The following PSMF1 variants were observed in gnomAD, a reference collection of about 807,000 sequenced individuals.
The protein encoded by PSMF1 is proteasome inhibitor subunit 1, also known as proteasome inhibitor PI31 subunit.
A neutral mutation model predicts 29.3 loss-of-function variants in PSMF1; 30 were observed. The ratio of observed to expected loss-of-function variants is 1.02; its 90% CI spans 0.77 to 1.39. The LOEUF (loss-of-function observed/expected upper bound fraction) is 1.39, where lower values mean the gene tolerates loss of function less well. PSMF1 is among the 40% of genes most tolerant of loss of function. The pLI, the probability that PSMF1 is intolerant of heterozygous loss-of-function variation, is 0.00. For synonymous variants in PSMF1, 134 were observed against 139.7 expected, an observed-to-expected ratio of 0.96 and a Z score of 0.29; for missense variants, 344 against 357.5, an observed-to-expected ratio of 0.96 and a Z score of 0.31.
chr20:1,128,136 T>C (rs142704573), intron 3 of PSMF1, among the ~76,000 whole-genome samples: 2 of 152,338 alleles, frequency 1.3e-5, no homozygotes, highest in Admixed American at 6.5e-5. Context: ...TAAAAATCTG[T>C]GCTTCTCCTA....
At chr20:1,128,368 T>C (rs909884793) in intron 3 of PSMF1, among the ~76,000 whole-genome samples, 3 of 152,252 alleles carry the variant, frequency 2.0e-5, no homozygotes, top group East Asian at 1.9e-4. Context: ...TCCATACTTA[T>C]ATCTCCCTTC....
At chr20:1,121,450 G>A (rs2086086606) in intron 1 of PSMF1, among the ~76,000 whole-genome samples, 2 of 151,990 alleles carry the variant, frequency 1.3e-5, no homozygotes, top group Admixed American at 6.6e-5. Flanking sequence ...TCCTTCTGTC[G>A]CTTCTGCTGA....
chr20:1,172,023 C>T lies in PSMF1; in HGVS notation c.*6943C>T, dbSNP rs939119896. On this transcript the variant is annotated 3_prime_UTR_variant, in exon 7 of 7. Transcript: ENST00000335877. Reference sequence around the variant, plus strand: ...TAAAATGTAGATAAGGATGGACCCACCTCCCCAAGATCCTGCCTATCTGTG... The same window carrying T: ...TAAAATGTAGATAAGGATGGACCCATCTCCCCAAGATCCTGCCTATCTGTG... Among the ~76,000 whole-genome samples, 1 of 152,220 alleles carries T rather than the reference C, an allele frequency of 6.6e-6. No individual in the cohort carries two copies. The highest frequency in any genetic ancestry group is 1.5e-5 in the Non-Finnish European group (1 of 68,032).
rs1168554968 is a variant in PSMF1, at chr20:1,145,063, T to C, written c.551+9757T>C. On this transcript the variant is annotated intron_variant, in intron 4 of 6. Coordinates refer to ENST00000335877, the MANE Select transcript of PSMF1 (RefSeq NM_006814.5). Reference sequence around the variant, plus strand: ...ACCACACCCAGCTCATTTTTGTATTTTTAGTAGAGACGAGGTTTCACCATG... The same window carrying C: ...ACCACACCCAGCTCATTTTTGTATTCTTAGTAGAGACGAGGTTTCACCATG... 5.9e-5 allele frequency among the ~76,000 whole-genome samples: 9 copies of C among 152,120 alleles called. 1 individual carries two copies. The East Asian group carries it at 1.7e-3, about 29-fold the overall frequency.
chr20:1,133,959 C>A (rs2086269939), intron 3 of PSMF1, among the ~76,000 whole-genome samples: 1 of 145,538 alleles, frequency 6.9e-6, no homozygotes, highest in Non-Finnish European at 1.5e-5. Context: ...TGTAATATCT[C>A]CTGTTTCGTT....
rs747537657 is a variant in PSMF1, at chr20:1,125,541, G to A, written c.173G>A (p.Trp58Ter). ...AAGTCAGAACTGCTGCCAGCTGGGT[G>A]GAACAACAATAAAGACCTGTATGTC... ...DKKSELLPAG[W>*]NNNKDLYVLR... Residue 58 changes from tryptophan (W) to a stop codon, truncating the protein, a stop_gained, in exon 2 of 7, where the codon TGG becomes TAG. Coordinates refer to ENST00000335877, the MANE Select transcript of PSMF1 (RefSeq NM_006814.5). LOFTEE classifies it high-confidence loss of function. 8.7e-6 allele frequency: 14 copies of A among 1,613,516 alleles called. No individual in the cohort carries two copies. The highest frequency in any genetic ancestry group is 1.1e-5 in the Non-Finnish European group (13 of 1,179,734).
At chr20:1,116,035 CT>C (rs11473727), upstream of PSMF1, among the ~76,000 whole-genome samples, 17 of 144,840 alleles carry the variant, frequency 1.2e-4, no homozygotes, top group Non-Finnish European at 1.2e-4. Flanking sequence ...CTGGCCAGTA[CT>C]TTTTTTTTTT....
intron 4 of PSMF1, among the ~76,000 whole-genome samples, chr20:1,147,669 C>G (rs934488175): frequency 6.6e-6 from 1 of 152,170 alleles, no homozygotes; most frequent in Non-Finnish European, 1.5e-5. Context: ...TCAGATCTCC[C>G]CTCTGTAATC....
chr20:1,145,073 A>G (rs565276237), intron 4 of PSMF1, among the ~76,000 whole-genome samples: 5 of 152,164 alleles, frequency 3.3e-5, no homozygotes, highest in Admixed American at 2.6e-4. Flanking sequence ...TTTAGTAGAG[A>G]CGAGGTTTCA....
Position 1,121,390 on chromosome 20 carries a change from TTC to T in PSMF1, c.129+2494_129+2495del, listed in dbSNP as rs145611371. Among the ~76,000 whole-genome samples, 1,345 of 152,248 alleles carry T rather than the reference TTC, an allele frequency of 8.8e-3. 31 individuals carry two copies. The highest frequency in any genetic ancestry group is 0.031 in the African/African-American group (1,282 of 41,554). On this transcript the variant is annotated intron_variant, in intron 1 of 6. Coordinates refer to ENST00000335877, the MANE Select transcript of PSMF1 (RefSeq NM_006814.5). Reference sequence around the variant, plus strand: ...AAACTAGAGTGTGGTGTATTTTTGCTTCTCTCTGCCTTTTCTCCTTGATTGCC... The same window carrying T: ...AAACTAGAGTGTGGTGTATTTTTGCTTCTCTGCCTTTTCTCCTTGATTGCC...
chr20:1,131,755 C>A (rs1041440262), intron 3 of PSMF1, among the ~76,000 whole-genome samples: 1 of 152,154 alleles, frequency 6.6e-6, no homozygotes, highest in African/African-American at 2.4e-5. Flanking sequence ...CTTTCTGTGT[C>A]GGATGAGATG....
rs1359838334 is a variant in PSMF1, at chr20:1,171,137, T to A, written c.*6057T>A. The stretch of plus-strand genomic sequence containing the variant: ...GTGAGAAAGGAGTGATGCTTCATAA[T>A]CCCCAGGATGGTCTTAAGGCTCCTC... On this transcript the variant is annotated 3_prime_UTR_variant, in exon 7 of 7. Transcript: ENST00000335877. 6.6e-6 allele frequency among the ~76,000 whole-genome samples: 1 copy of A among 151,976 alleles called. No individual in the cohort carries two copies. Among genetic ancestry groups the A allele is most frequent in the Non-Finnish European group, 1.5e-5 (1 of 67,974 alleles).
At position 1,164,565 on chromosome 20, in the gene PSMF1, C is replaced by G; in HGVS notation, c.764+89C>G. ...CAATGAAGGTTTCTAGCCCCAGGCA[C>G]AGAGCTGCCGCTGCCTTCACCTGTT... On this transcript the variant is annotated intron_variant, in intron 6 of 6. Coordinates refer to ENST00000335877, the MANE Select transcript of PSMF1 (RefSeq NM_006814.5). This position sits in a 1 kb window ranked among gnomAD's most constrained non-coding sequence, Gnocchi z 4.1. 6.6e-7 allele frequency: 1 copy of G among 1,525,946 alleles called. No homozygotes were observed. The highest frequency in any genetic ancestry group is 9.0e-7 in the Non-Finnish European group (1 of 1,115,646). The allele number at this position is 1,525,946 out of a possible 1,614,324, so 94.5% of individuals were successfully genotyped here. A position where few individuals can be genotyped will look rare whatever the true frequency, so the allele number is the denominator to read the frequency against.
intron 4 of PSMF1, among the ~76,000 whole-genome samples, chr20:1,140,080 T>TC (rs1041710053): frequency 2.6e-5 from 4 of 151,918 alleles, no homozygotes; most frequent in East Asian, 1.9e-4. Context: ...TTTGGGTTTT[T>TC]CCCCCCCAGA....
At chr20:1,150,816 T>C (rs932655254) in intron 4 of PSMF1, among the ~76,000 whole-genome samples, 3 of 152,284 alleles carry the variant, frequency 2.0e-5, no homozygotes, top group East Asian at 1.9e-4. Context: ...GGTGCTCTTT[T>C]GATTTTTGTT....
intron 4 of PSMF1, among the ~76,000 whole-genome samples, chr20:1,146,674 C>T (rs1304366860): frequency 1.3e-5 from 2 of 152,118 alleles, no homozygotes; most frequent in Non-Finnish European, 2.9e-5. Context: ...GAGTATTTTG[C>T]GGCAATTAGG....
chr20:1,132,927 A>G lies in PSMF1; in HGVS notation c.366-2194A>G, dbSNP rs757206030. ...TGATTTTCCTGTGTTGAACTCTTCT[A>G]TCCTGTCACCTTGCTGAATTCAAGG... On this transcript the variant is annotated intron_variant, in intron 3 of 6. Coordinates refer to ENST00000335877, the MANE Select transcript of PSMF1 (RefSeq NM_006814.5). Among the ~76,000 whole-genome samples the G allele has an allele frequency of 2.1e-5, 3 of 144,286 alleles. No individual in the cohort carries two copies. In the South Asian group the frequency reaches 6.5e-4, roughly 31 times the overall value. 94.7% of individuals were successfully genotyped at this position (144,286 alleles called of 152,430 possible). A position where few individuals can be genotyped will look rare whatever the true frequency, so the allele number is the denominator to read the frequency against.
rs1307388002 is a variant in PSMF1 at position 1,170,964 on chromosome 20, CT to C, written c.*5885del. 1.3e-5 allele frequency among the ~76,000 whole-genome samples: 2 copies of C among 152,090 alleles called. No individual in the cohort carries two copies. The highest frequency in any genetic ancestry group is 2.4e-5 in the African/African-American group (1 of 41,402). ...TTAGTTGAGATGCTGCACCTACCCC[CT>C]GGGGTGGCAGAACCGTGATTGGAAC... On this transcript the variant is annotated 3_prime_UTR_variant, in exon 7 of 7. Transcript: ENST00000335877.
At chr20:1,144,941 A>G (rs1340975301) in intron 4 of PSMF1, among the ~76,000 whole-genome samples, 1 of 152,034 alleles carries the variant, frequency 6.6e-6, no homozygotes, top group African/African-American at 2.4e-5. Context: ...TGTGGAGTGC[A>G]GTGGTGCGAT....
Sources: gnomAD v4.1 joint callset for allele counts (sites outside exome capture counted in the v4.1 genomes callset) on GRCh38, gnomAD v4.1.1 for gene constraint, Gnocchi (gnomAD v3.1) non-coding constraint, MANE v1.5 for transcripts, NCBI Gene and HGNC (gene_info 2026-07-23, HGNC 2026-07-21) for gene names.